L1CAM: variants seen among roughly 807,000 people sequenced by gnomAD.
The protein encoded by L1CAM is neural cell adhesion molecule L1.
L1CAM carries 8 observed loss-of-function variants against 93.0 expected under a neutral mutation model. The ratio of observed to expected loss-of-function variants is 0.09; its 90% CI spans 0.05 to 0.16. L1CAM has a LOEUF of 0.16. L1CAM is among the 10% of genes least tolerant of loss of function. The pLI is 1.00. For synonymous variants in L1CAM, 453 were observed against 453.0 expected (o/e 1.00, Z 0.00); for missense variants, 777 against 1,073.4 (o/e 0.72, Z 3.86).
In L1CAM at chrX:153,865,455, G is replaced by A. The variant is rs202067345; in HGVS notation, c.2593C>T (p.His865Tyr). 17 of 1,209,670 alleles carry A rather than the reference G, an allele frequency of 1.4e-5. No individual in the cohort carries two copies. The African/African-American group carries it at 2.8e-4, about 20-fold the overall frequency. The change falls in exon 21 of 29, where the codon CAT becomes TAT. Residue 865 changes from histidine (H) to tyrosine (Y), a missense_variant. By Grantham distance (83) the His-to-Tyr change is moderately conservative. Transcript: ENST00000370060. ...EGSQRKHSKR[H>Y]IHKDHVVVPA... ...ACCACCACATGGTCTTTGTGGATAT[G>A]TCTCTTGCTGTGCTTCCTCTGACTG...
intron 1 of L1CAM, among the ~76,000 whole-genome samples, chrX:153,882,263 G>A (rs1184102516): frequency 9.0e-6 from 1 of 110,921 alleles, no homozygotes; most frequent in South Asian, 3.7e-4. Flanking sequence ...GAACACAGAC[G>A]CAGATGGCTG....
At position 153,865,417 on chromosome X, in the gene L1CAM, G is replaced by A. The variant is rs1557090571; in HGVS notation, c.2631C>T (p.Thr877=). 8.3e-7 allele frequency: 1 copy of A among 1,210,681 alleles called. No homozygotes were observed. Among genetic ancestry groups the A allele is most frequent in the East Asian group, 3.0e-5 (1 of 33,816 alleles). The change falls in exon 21 of 29, where the codon ACC becomes ACT. Residue 877 remains threonine, a synonymous_variant. Coordinates refer to ENST00000370060, the MANE Select transcript of L1CAM (RefSeq NM_001278116.2). Reference sequence around the variant, plus strand: ...GCAAGCCACTGAGGATGACACTGGTGGTGTTGGCGGGCACCACCACATGGT... The same window carrying A: ...GCAAGCCACTGAGGATGACACTGGTAGTGTTGGCGGGCACCACCACATGGT... The part of the protein sequence containing the change: ...HKDHVVVPAN[T]TSVILSGLRP...
At chrX:153,885,828 AG>A (rs2064876783) in intron 1 of L1CAM, 4 of 696,974 alleles carry the variant, frequency 5.7e-6, no homozygotes, top group Non-Finnish European at 6.6e-6. Flanking sequence ...GGGGCCCCGC[AG>A]GTTACCCCTC....
At chrX:153,867,721 C>T in intron 16 of L1CAM, 79 bp downstream of exon 16, 1 of 1,031,802 alleles carries the variant, frequency 9.7e-7, no homozygotes. Flanking sequence ...CAGGAAGGCT[C>T]CAGGAGGAGG....
rs2064737679 is a variant in L1CAM at position 153,868,649 on chromosome X, G to A, written c.1458C>T (p.Asp486=). 1.7e-6 allele frequency: 2 copies of A among 1,211,859 alleles called. No homozygotes were observed. The highest frequency in any genetic ancestry group is 5.9e-5 in the East Asian group (2 of 33,850). Residue 486 remains aspartate, a synonymous_variant, in exon 13 of 29, where the codon GAC becomes GAT. Transcript: ENST00000370060. ...AGCGTCCGGTGTCATTGGCCTGGAG[G>A]TCTCGAATGCCCAGGGTCCCATTGG... The part of the protein sequence containing the change: ...PYANGTLGIR[D]LQANDTGRYF...
intron 7 of L1CAM, 66 bp from the exon 8 acceptor site, chrX:153,870,565 G>A (rs2064759815): frequency 8.3e-6 from 8 of 960,752 alleles, no homozygotes; most frequent in Non-Finnish European, 1.2e-5. Context: ...GCAAGGCTGA[G>A]GGACTCGACA....
chrX:153,882,112 A>G (rs1178180336), intron 1 of L1CAM, among the ~76,000 whole-genome samples: 10 of 111,091 alleles, frequency 9.0e-5, no homozygotes, highest in African/African-American at 3.3e-4. Context: ...GCCTGGAAAC[A>G]GCTCAGACAC....
At chrX:153,873,571 G>A (rs1181171767) in intron 2 of L1CAM, among the ~76,000 whole-genome samples, 1 of 112,478 alleles carries the variant, frequency 8.9e-6, no homozygotes, top group East Asian at 2.8e-4. Context: ...CTTTAACAAG[G>A]AGTGTCCTTG....
chrX:153,872,008 CA>C, intron 5 of L1CAM, 143 bp downstream of exon 5: 1 of 502,780 alleles, frequency 2.0e-6, no homozygotes, highest in Non-Finnish European at 3.5e-6. Context: ...CAAGATGGGC[CA>C]GGGGAGAAGC....
intron 1 of L1CAM, among the ~76,000 whole-genome samples, chrX:153,878,652 A>G (rs2064828019): frequency 8.9e-6 from 1 of 111,795 alleles, no homozygotes; most frequent in Non-Finnish European, 1.9e-5. Context: ...TGGTCTTAGG[A>G]GGGGGAGGGG....
intron 5 of L1CAM, among the ~76,000 whole-genome samples, chrX:153,871,746 G>C (rs966842048): frequency 2.7e-5 from 3 of 111,064 alleles, no homozygotes; most frequent in Non-Finnish European, 5.7e-5. Context: ...GAGATGGAGA[G>C]CCAAGTGGAA....
At chrX:153,869,303 C>T in intron 11 of L1CAM, 1 of 488,486 alleles carries the variant, frequency 2.0e-6, no homozygotes, top group South Asian at 3.0e-5. Context: ...CAGCGGTCCG[C>T]TCAGTCACAG....
chrX:153,864,505 G>T, intron 24 of L1CAM, 28 bp from the exon 25 acceptor site: 2 of 1,209,997 alleles, frequency 1.7e-6, no homozygotes, highest in Non-Finnish European at 2.2e-6. Context: ...TGGCAGCAGG[G>T]GTGAGTCGGA....
chrX:153,870,884 G>A lies in L1CAM; in HGVS notation c.600C>T (p.Thr200=), dbSNP rs782334599. The A allele has an allele frequency of 1.7e-6, 2 of 1,208,894 alleles. No individual in the cohort carries two copies. The highest frequency in any genetic ancestry group is 3.5e-5 in the African/African-American group (2 of 56,910). The change falls in exon 7 of 29, where the codon ACC becomes ACT. Residue 200 remains threonine (T), a synonymous_variant. Transcript: ENST00000370060. ...NGNLYFANVL[T]SDNHSDYICH... ...AGATGTAGTCTGAGTGGTTGTCGGA[G>A]GTGAGCACATTGGCAAAGTAGAGGT...
rs149290876 is a variant in L1CAM, at chrX:153,870,301, C to G, written c.807-61G>C. 6,812 of 1,174,255 alleles carry G rather than the reference C, an allele frequency of 5.8e-3. 259 individuals carry two copies. In the African/African-American group the frequency reaches 0.11, roughly 18 times the overall value. ...GAAAGGACAAGGCCAATCACCCCAG[C>G]CCCCTATACCCCGCGGTGGTCTGAG... is the stretch of plus-strand genomic sequence containing the variant. On this transcript the variant is annotated intron_variant, in intron 8 of 28. Coordinates refer to ENST00000370060, the MANE Select transcript of L1CAM (RefSeq NM_001278116.2).
intron 19 of L1CAM, chrX:153,866,054 C>T (rs2064709664): frequency 1.5e-5 from 6 of 394,907 alleles, no homozygotes; most frequent in Non-Finnish European, 2.7e-5. Context: ...ATGGTTCACA[C>T]CCGTATTCCC....
intron 1 of L1CAM, chrX:153,880,718 G>A (rs1446335729): frequency 3.0e-6 from 1 of 336,263 alleles, no homozygotes; most frequent in Admixed American, 3.2e-5. Flanking sequence ...AAGTCCCAGA[G>A]GTGGGGGAAG....
intron 8 of L1CAM, 23 bp downstream of exon 8, chrX:153,870,365 C>T (rs782548417): frequency 8.3e-7 from 1 of 1,201,060 alleles, no homozygotes; most frequent in Non-Finnish European, 1.1e-6. Flanking sequence ...CTGCCCTGCC[C>T]TGCCCTGGGT....
At chrX:153,874,020 AG>A (rs1331016960) in intron 2 of L1CAM, among the ~76,000 whole-genome samples, 9 of 112,384 alleles carry the variant, frequency 8.0e-5, no homozygotes, top group Non-Finnish European at 1.3e-4. Context: ...GGGAGGGAGG[AG>A]GGGGCTCCCT....
Sources: allele counts gnomAD v4.1 joint callset (sites outside exome capture counted in the v4.1 genomes callset), GRCh38; gene constraint gnomAD v4.1.1; transcripts MANE v1.5; gene names NCBI Gene and HGNC (gene_info 2026-07-23, HGNC 2026-07-21).